Variants in LACTBL1 observed in about 807,000 individuals in gnomAD.
LACTBL1 encodes the protein beta-lactamase-like protein 1.
Under a neutral mutation model 39.6 loss-of-function variants are expected in LACTBL1, and 29 were observed. The observed-to-expected ratio is 0.73, with a 90% CI of 0.55 to 1.00. The LOEUF (loss-of-function observed/expected upper bound fraction) is 1.00. Among genes scored for constraint, LACTBL1 ranks in the 50% least tolerant of loss-of-function variants. The pLI is 0.00. For missense variants in LACTBL1, 711 were observed against 748.5 expected, an observed-to-expected ratio of 0.95 and a Z score of 0.59; for synonymous variants, 361 against 360.7, an observed-to-expected ratio of 1.00 and a Z score of -0.01.
intron 4 of LACTBL1, among the ~76,000 whole-genome samples, chr1:22,957,531 A>G (rs374944604): frequency 6.6e-6 from 1 of 151,266 alleles, no homozygotes; most frequent in African/African-American, 2.4e-5. Flanking sequence ...GGGCGTCATC[A>G]TGTTCATCTT....
upstream of LACTBL1, among the ~76,000 whole-genome samples, chr1:22,968,409 T>C (rs989054155): frequency 1.3e-5 from 2 of 152,206 alleles, no homozygotes; most frequent in South Asian, 4.1e-4. Flanking sequence ...TTTATGCTCG[T>C]CCCACCTTTG....
intron 2 of LACTBL1, among the ~76,000 whole-genome samples, chr1:22,961,997 C>T (rs1332511899): frequency 6.6e-6 from 1 of 152,088 alleles, no homozygotes; most frequent in African/African-American, 2.4e-5. Context: ...CCACCCATCT[C>T]GGCCTCCCAA....
intron 5 of LACTBL1, 34 bp downstream of exon 7, chr1:22,955,287 A>G (rs2124223383): frequency 6.6e-7 from 1 of 1,510,040 alleles, no homozygotes; most frequent in Non-Finnish European, 9.0e-7. Flanking sequence ...GGAGGCTCCT[A>G]ACATGAGGCT....
chr1:22,953,585 C>G (rs1640730674), exon 6 of LACTBL1: 1 of 1,256,380 alleles, frequency 8.0e-7, no homozygotes, highest in Non-Finnish European at 9.9e-7. Context: ...GCGTAGCCGT[C>G]CAGATCGCCG....
At position 22,953,644 on chromosome 1, in the gene LACTBL1, G is replaced by C. The variant is rs557531724; in HGVS notation, c.1040C>G (p.Thr347Arg). The C allele has an allele frequency of 1.0e-5, 13 of 1,271,048 alleles. No homozygotes were observed. The East Asian group carries it at 4.1e-4, about 40-fold the overall frequency. 78.7% of individuals were successfully genotyped at this position (1,271,048 alleles called of 1,614,324 possible). ...CCGCTGCGCGTGGAACTCCCACGGC[G>C]TGCCCGTCTCGTTGGCGAAGTAGGC... Residue 347 changes from threonine to arginine, a missense_variant, in exon 6 of 6, where the codon ACG becomes AGG. Transcript: ENST00000426928.
chr1:22,953,348 CG>C lies in LACTBL1; in HGVS notation c.1335del (p.Pro447ArgfsTer?). On this transcript the variant is annotated frameshift_variant, in exon 6 of 6. Transcript: ENST00000426928. LOFTEE classifies it high-confidence loss of function. ...CGCAGGCGCAGCTCGCCCGCCGGCC[CG>C]GCGCGCACCTCGTAGAAGGTCAGGT... 1 of 1,228,998 alleles carries C rather than the reference CG, an allele frequency of 8.1e-7. No homozygotes were observed. The allele number at this position is 1,228,998 out of a possible 1,614,324, so 76.1% of individuals were successfully genotyped here.
At chr1:22,965,426 C>T (rs958344996), upstream of LACTBL1, 3 of 1,247,492 alleles carry the variant, frequency 2.4e-6, no homozygotes, top group African/African-American at 4.7e-5. Context: ...ACCAGCCATC[C>T]TGGGAGAGCA....
intron 4 of LACTBL1, 80 bp from the exon 7 acceptor site, chr1:22,955,506 C>T (rs1333197323): frequency 1.2e-6 from 1 of 857,392 alleles, no homozygotes; most frequent in Non-Finnish European, 1.9e-6. Context: ...CCCTCCCCAC[C>T]TTCCGTGAGT....
chr1:22,966,873 A>G (rs1406553233), upstream of LACTBL1, among the ~76,000 whole-genome samples: 1 of 152,058 alleles, frequency 6.6e-6, no homozygotes, highest in African/African-American at 2.4e-5. Flanking sequence ...TATCTCCTTC[A>G]ATCCCTACCT....
chr1:22,960,617 CAAAA>C (rs35006759), intron 2 of LACTBL1, among the ~76,000 whole-genome samples: 7 of 37,992 alleles, frequency 1.8e-4, no homozygotes, highest in South Asian at 2.4e-3. Context: ...AACTCCGTCT[CAAAA>C]AAAAAAAAAA....
intron 2 of LACTBL1, among the ~76,000 whole-genome samples, chr1:22,961,658 C>T (rs571436092): frequency 1.3e-5 from 2 of 152,246 alleles, no homozygotes; most frequent in East Asian, 3.9e-4. Flanking sequence ...GCCACCGCAC[C>T]TGGCCCCTAC....
At chr1:22,965,967 A>G (rs1231408788), upstream of LACTBL1, among the ~76,000 whole-genome samples, 1 of 152,170 alleles carries the variant, frequency 6.6e-6, no homozygotes, top group Non-Finnish European at 1.5e-5. Context: ...AGTCACTGCT[A>G]ATGGCTATGA....
At chr1:22,962,881 T>A (rs779729574) in intron 2 of LACTBL1, among the ~76,000 whole-genome samples, 1 of 152,240 alleles carries the variant, frequency 6.6e-6, no homozygotes, top group Non-Finnish European at 1.5e-5. Context: ...TTATAAATGT[T>A]TGGTATCTTC....
At chr1:22,954,129 T>G in intron 5 of LACTBL1, 105 bp from the exon 8 acceptor site, 10 of 1,442,268 alleles carry the variant, frequency 6.9e-6, no homozygotes, top group Non-Finnish European at 9.1e-6. Context: ...GGAAGGAACC[T>G]GCTCCCCTGC....
exon 6 of LACTBL1, chr1:22,953,182 G>A (rs1481345425): frequency 2.4e-6 from 3 of 1,232,160 alleles, no homozygotes; most frequent in East Asian, 3.2e-5. Context: ...GGCCTCGAGC[G>A]AGAGCCACGC....
the LACTBL1 span, among the ~76,000 whole-genome samples, chr1:22,970,666 C>T: frequency 1.3e-5 from 2 of 151,956 alleles, no homozygotes; most frequent in African/African-American, 4.8e-5. Flanking sequence ...AAAAAATTGC[C>T]AGGCATGCTG....
At chr1:22,960,981 T>C (rs1640816420) in intron 2 of LACTBL1, among the ~76,000 whole-genome samples, 1 of 152,114 alleles carries the variant, frequency 6.6e-6, no homozygotes, top group Non-Finnish European at 1.5e-5. Flanking sequence ...CGTCTCACCG[T>C]GTAGACCAGG....
At chr1:22,972,588 G>T in the LACTBL1 span, among the ~76,000 whole-genome samples, 1 of 152,098 alleles carries the variant, frequency 6.6e-6, no homozygotes, top group African/African-American at 2.4e-5. Context: ...CGGCATCCCA[G>T]TTTGTCCAGG....
intron 2 of LACTBL1, among the ~76,000 whole-genome samples, chr1:22,962,903 C>T (rs988547945): frequency 2.6e-5 from 4 of 152,246 alleles, no homozygotes; most frequent in African/African-American, 9.6e-5. Context: ...CCGTTCCTCT[C>T]GCTTCCAGAT....
Sources: allele counts gnomAD v4.1 joint callset (sites outside exome capture counted in the v4.1 genomes callset), GRCh38; gene constraint gnomAD v4.1.1; transcripts MANE v1.5; gene names NCBI Gene and HGNC (gene_info 2026-07-23, HGNC 2026-07-21).